The following AP3B1 variants were observed in gnomAD, a reference collection of about 807,000 sequenced individuals.
AP3B1 encodes the protein AP-3 complex subunit beta-1.
In AP3B1, 61 loss-of-function variants were observed where a neutral mutation model predicts 132.5. That is an observed-to-expected ratio of 0.46 (90% CI 0.37 to 0.57). AP3B1 has a LOEUF of 0.57. Ranked by LOEUF, AP3B1 falls within the 20% of genes least tolerant of loss-of-function variation. AP3B1 has a pLI of 0.00. For missense variants in AP3B1, 1,120 were observed against 1,289.4 expected, an observed-to-expected ratio of 0.87 and a Z score of 2.01; for synonymous variants, 388 against 438.3, an observed-to-expected ratio of 0.89 and a Z score of 1.43.
chr5:78,066,100 G>A (rs926983367), intron 22 of AP3B1, among the ~76,000 whole-genome samples: 17 of 152,174 alleles, frequency 1.1e-4, no homozygotes, highest in African/African-American at 4.1e-4. Context: ...ACTGTTAAAA[G>A]AAAAACAAAC....
chr5:78,279,907 A>AATATATATATATATATAT (rs55881507), intron 1 of AP3B1, among the ~76,000 whole-genome samples: 7 of 114,376 alleles, frequency 6.1e-5, no homozygotes, highest in African/African-American at 2.2e-4. Flanking sequence ...ATATGACTTA[A>AATATATATATATATATAT]ATATATATAT....
At chr5:78,011,596 C>A (rs913893418) in intron 26 of AP3B1, among the ~76,000 whole-genome samples, 1 of 152,126 alleles carries the variant, frequency 6.6e-6, no homozygotes, top group African/African-American at 2.4e-5. Flanking sequence ...AAAACCTGTG[C>A]GCCTTTAATT....
chr5:78,125,850 T>TA (rs1272343724), intron 17 of AP3B1, among the ~76,000 whole-genome samples: 1 of 152,170 alleles, frequency 6.6e-6, no homozygotes, highest in Non-Finnish European at 1.5e-5. Context: ...ACTGTCCCTA[T>TA]AAGGTAGTTA....
chr5:78,194,943 C>T (rs1745018244), intron 7 of AP3B1, among the ~76,000 whole-genome samples: 1 of 151,654 alleles, frequency 6.6e-6, no homozygotes, highest in Non-Finnish European at 1.5e-5. Context: ...ATAAAATGTT[C>T]TATTTATAAA....
chr5:78,294,202 C>T (rs1466857239), intron 1 of AP3B1, among the ~76,000 whole-genome samples: 1 of 152,214 alleles, frequency 6.6e-6, no homozygotes, highest in Non-Finnish European at 1.5e-5. Context: ...GATCTAAGCT[C>T]ACCAAGTGGT....
At chr5:78,226,084 G>C (rs1052385303) in intron 5 of AP3B1, among the ~76,000 whole-genome samples, 19 of 151,926 alleles carry the variant, frequency 1.3e-4, no homozygotes, top group African/African-American at 4.1e-4. Flanking sequence ...CTAAAACTAG[G>C]AAAAATAAGA....
At position 78,142,414 on chromosome 5, in the gene AP3B1, A is replaced by C. The variant is rs1267564513; in HGVS notation, c.1474-1095T>G. Among the ~76,000 whole-genome samples the C allele has an allele frequency of 2.0e-5, 3 of 152,238 alleles. No homozygotes were observed. The South Asian group carries it at 6.2e-4, about 32-fold the overall frequency. On this transcript the variant is annotated intron_variant, in intron 14 of 26. Coordinates refer to ENST00000255194, the MANE Select transcript of AP3B1 (RefSeq NM_003664.5). ...ATAATAAGTGAAAAGGCTGACAGCT[A>C]TCATTAAAAGGTGGCATCACGAGGA...
intron 3 of AP3B1, 110 bp downstream of exon 3, chr5:78,240,751 TA>T: frequency 4.0e-6 from 3 of 754,714 alleles, no homozygotes; most frequent in Non-Finnish European, 6.9e-6. Flanking sequence ...ATTTTAATCA[TA>T]ACAAAAATCT....
chr5:78,248,239 C>T (rs1309997810), intron 2 of AP3B1, among the ~76,000 whole-genome samples: 1 of 152,074 alleles, frequency 6.6e-6, no homozygotes. Context: ...CGCCTGTAAT[C>T]CCAGCACTTT....
Position 78,267,532 on chromosome 5 carries a change from C to G in AP3B1, c.192G>C (p.Lys64Asn). 6.2e-7 allele frequency: 1 copy of G among 1,610,762 alleles called. No homozygotes were observed. The highest frequency in any genetic ancestry group is 2.2e-5 in the East Asian group (1 of 44,678). ...GTATTTTACCTACCCCAACAATCCG[C>G]TTCATAGCATCCAGTTTAGCAGAAT... ...NKDSAKLDAM[K>N]RIVGMIAKGK... is the part of the protein sequence containing the mutation. Residue 64 changes from lysine to asparagine, a missense_variant, in exon 2 of 27, where the codon AAG becomes AAC. Physicochemically the swap from Lys to Asn is moderately conservative, Grantham distance 94. Transcript: ENST00000255194.
intron 7 of AP3B1, among the ~76,000 whole-genome samples, chr5:78,194,597 G>A (rs576242226): frequency 1.6e-3 from 237 of 152,118 alleles, no homozygotes; most frequent in Non-Finnish European, 2.9e-3. Context: ...TACTTCTAAG[G>A]CCATAAAACC....
chr5:78,279,938 C>A, intron 1 of AP3B1, among the ~76,000 whole-genome samples: 1 of 103,598 alleles, frequency 9.7e-6, no homozygotes. Flanking sequence ...ATTAGCCAGG[C>A]ATGGTGGTGT....
At chr5:78,107,199 G>T (rs931893344) in intron 20 of AP3B1, among the ~76,000 whole-genome samples, 1 of 152,126 alleles carries the variant, frequency 6.6e-6, no homozygotes, top group Non-Finnish European at 1.5e-5. Context: ...AAAAAAGTAA[G>T]AACAAAAGGG....
Position 78,039,049 on chromosome 5 carries a change from G to A in AP3B1, c.2803C>T (p.Pro935Ser), listed in dbSNP as rs746532723. 6.4e-7 allele frequency: 1 copy of A among 1,550,566 alleles called. No individual in the cohort carries two copies. The part of the protein sequence containing the change: ...PIGMKMHVFN[P>S]IDSLEPEGSI... The stretch of plus-strand genomic sequence containing the variant: ...AATGAGAATTAATATTTACCTATTG[G>A]ATTAAAAACATGCATTTTCATGCCT... The change falls in exon 23 of 27, where the codon CCA becomes TCA. Residue 935 changes from proline to serine, a missense_variant. Transcript: ENST00000255194.
chr5:78,201,946 A>G (rs1018467946), intron 7 of AP3B1, among the ~76,000 whole-genome samples: 35 of 152,292 alleles, frequency 2.3e-4, no homozygotes, highest in Middle Eastern at 3.4e-3. Context: ...TCTGAGATGT[A>G]TACAGTCTGA....
intron 2 of AP3B1, among the ~76,000 whole-genome samples, chr5:78,244,679 G>C (rs1747297286): frequency 6.6e-6 from 1 of 152,080 alleles, no homozygotes. Flanking sequence ...TAGACTGAGT[G>C]ACAAGACATA....
At chr5:78,286,499 C>T (rs928467016) in intron 1 of AP3B1, among the ~76,000 whole-genome samples, 2 of 152,132 alleles carry the variant, frequency 1.3e-5, no homozygotes, top group African/African-American at 4.8e-5. Flanking sequence ...AACAACAGAC[C>T]ATCTTAGAAG....
chr5:78,161,025 T>TGG (rs1250273639), intron 13 of AP3B1, among the ~76,000 whole-genome samples: 1 of 151,880 alleles, frequency 6.6e-6, no homozygotes, highest in African/African-American at 2.4e-5. Context: ...GATTAAGAGT[T>TGG]GTATCAAAAA....
chr5:78,175,867 G>T, intron 9 of AP3B1, 29 bp from the exon 10 acceptor site: 2 of 1,539,126 alleles, frequency 1.3e-6, no homozygotes, highest in South Asian at 2.2e-5. Context: ...TTTTTACTGG[G>T]TATATGTTCC....
Sources: allele counts gnomAD v4.1 joint callset (sites outside exome capture counted in the v4.1 genomes callset), GRCh38; gene constraint gnomAD v4.1.1; transcripts MANE v1.5; gene names NCBI Gene and HGNC (gene_info 2026-07-23, HGNC 2026-07-21).